LLGL1: variants seen among roughly 807,000 people sequenced by gnomAD.
LLGL1 encodes LLGL scribble cell polarity complex component 1, also known as lethal(2) giant larvae protein homolog 1.
In LLGL1, 58 loss-of-function variants were observed where a neutral mutation model predicts 110.6. That is an observed-to-expected ratio of 0.52 (90% confidence interval 0.42 to 0.65). LLGL1 has a LOEUF of 0.65. Among genes scored for constraint, LLGL1 ranks in the 30% least tolerant of loss-of-function variants. The pLI, the probability that LLGL1 is intolerant of heterozygous loss-of-function variation, is 0.00. For synonymous variants in LLGL1, 674 were observed against 607.2 expected, an observed-to-expected ratio of 1.11 and a Z score of -1.62; for missense variants, 1,229 against 1,462.1, an observed-to-expected ratio of 0.84 and a Z score of 2.60.
At position 18,235,148 on chromosome 17, in the gene LLGL1, C is replaced by G; in HGVS notation, c.1120C>G (p.Leu374Val). Residue 374 changes from leucine (L) to valine (V), a missense_variant, in exon 10 of 23, where the codon CTG becomes GTG. Leu to Val is a conservative substitution (Grantham distance 32). Coordinates refer to ENST00000316843, the MANE Select transcript of LLGL1 (RefSeq NM_004140.4). ...GGAAGAGGAGCTGGTGGTGCTGGAC[C>G]TGCAGACTCCTGGCTGGCCAGCTGT... is the stretch of plus-strand genomic sequence containing the variant. Reference protein sequence around the residue: ...LLEEELVVLDLQTPGWPAVPA... With the variant: ...LLEEELVVLDVQTPGWPAVPA... 6.2e-7 allele frequency: 1 copy of G among 1,613,658 alleles called. No individual in the cohort carries two copies. The highest frequency in any genetic ancestry group is 2.2e-5 in the East Asian group (1 of 44,880).
chr17:18,236,340 A>G (rs1597870562), intron 11 of LLGL1: 5 of 472,852 alleles, frequency 1.1e-5, no homozygotes, highest in Non-Finnish European at 1.5e-5. Flanking sequence ...CCCCTTTGCC[A>G]CCTCCTGTTA....
intron 13 of LLGL1, 122 bp downstream of exon 13, chr17:18,237,061 C>T: frequency 1.2e-6 from 1 of 849,850 alleles, no homozygotes; most frequent in South Asian, 1.6e-5. Context: ...GGGAATAGGG[C>T]TCTGGGTGGG....
At chr17:18,242,396 C>G (rs1597882158) in intron 20 of LLGL1, 112 bp from the exon 21 acceptor site, 1 of 1,549,078 alleles carries the variant, frequency 6.5e-7, no homozygotes, top group East Asian at 2.3e-5. Flanking sequence ...TGGTTGTGTG[C>G]TCACTGGTGC....
In LLGL1 at chr17:18,237,754, A is replaced by G. The variant is rs757496603; in HGVS notation, c.1885A>G (p.Lys629Glu). 36 of 1,609,564 alleles carry G rather than the reference A, an allele frequency of 2.2e-5. No homozygotes were observed. In the African/African-American group the frequency reaches 4.7e-4, roughly 21 times the overall value. ...CTTTGGCCTCTTCGACTACCAGCGC[A>G]AGAGCCCTGTGCTGGCCAGGTGTGT... The part of the protein sequence containing the change: ...HGFGLFDYQR[K>E]SPVLARCTLH... The change falls in exon 14 of 23, where the codon AAG becomes GAG. Residue 629 changes from lysine (K) to glutamate (E), a missense_variant. Coordinates refer to ENST00000316843, the MANE Select transcript of LLGL1 (RefSeq NM_004140.4).
At chr17:18,235,418 G>A (rs367633213) in intron 10 of LLGL1, 52 bp from the exon 11 acceptor site, 1 of 1,610,160 alleles carries the variant, frequency 6.2e-7, no homozygotes, top group Non-Finnish European at 8.5e-7. Context: ...GGGTGAGAGG[G>A]AGAAGATGTT....
intron 4 of LLGL1, among the ~76,000 whole-genome samples, chr17:18,233,569 C>G (rs1314775585): frequency 1.3e-5 from 2 of 152,130 alleles, no homozygotes; most frequent in African/African-American, 4.8e-5. Flanking sequence ...CCTAGGGACC[C>G]TATTTTTATC....
At position 18,235,218 on chromosome 17, in the gene LLGL1, G is replaced by T. The variant is rs1207449138; in HGVS notation, c.1190G>T (p.Cys397Phe). The change falls in exon 10 of 23, where the codon TGC becomes TTC. Residue 397 changes from cysteine to phenylalanine, a missense_variant. Cys to Phe is a radical substitution (Grantham distance 205). Coordinates refer to ENST00000316843, the MANE Select transcript of LLGL1 (RefSeq NM_004140.4). ...CCGCTGCACTCCTCTGCAATCACTT[G>T]CTCGGCCCACGTGGCCAGTGTCCCC... is the stretch of plus-strand genomic sequence containing the variant. ...LAPLHSSAITCSAHVASVPAK... is the reference protein window; with the variant it reads ...LAPLHSSAITFSAHVASVPAK... 3 of 1,611,098 alleles carry T rather than the reference G, an allele frequency of 1.9e-6. No individual in the cohort carries two copies.
chr17:18,242,686 C>A, intron 21 of LLGL1, 57 bp from the exon 22 acceptor site: 1 of 1,565,978 alleles, frequency 6.4e-7, no homozygotes, highest in Non-Finnish European at 8.7e-7. Context: ...GCCTCCGTCC[C>A]CAGGGCTGCC....
chr17:18,238,400 G>C, intron 15 of LLGL1, 56 bp from the exon 16 acceptor site: 1 of 1,577,196 alleles, frequency 6.3e-7, no homozygotes, highest in South Asian at 1.2e-5. Flanking sequence ...GCGCAAAGCA[G>C]GATGCAAGCC....
intron 1 of LLGL1, 83 bp from the exon 2 acceptor site, chr17:18,229,858 G>A: frequency 1.1e-6 from 1 of 884,178 alleles, no homozygotes; most frequent in Admixed American, 2.2e-5. Flanking sequence ...GACCCTGGAG[G>A]CTGCCTTGGG....
In LLGL1 at chr17:18,234,966, A is replaced by G. The variant is rs754841562; in HGVS notation, c.1033A>G (p.Thr345Ala). The part of the protein sequence containing the change: ...DFTSRIIDFF[T>A]VHSTRPEDEF... ...CACTTCCCGCATCATCGACTTCTTC[A>G]CAGTGCACAGCACACGGCCCGAGGA... Residue 345 changes from threonine to alanine, a missense_variant, in exon 9 of 23, where the codon ACA (threonine) becomes GCA (alanine). Thr to Ala is a moderately conservative substitution (Grantham distance 58). Transcript: ENST00000316843. 1 of 1,613,818 alleles carries G rather than the reference A, an allele frequency of 6.2e-7. No individual in the cohort carries two copies. Among genetic ancestry groups the G allele is most frequent in the African/African-American group, 1.3e-5 (1 of 74,892 alleles).
At chr17:18,239,821 G>GA (rs2047785507) in intron 16 of LLGL1, among the ~76,000 whole-genome samples, 1 of 151,804 alleles carries the variant, frequency 6.6e-6, no homozygotes, top group Non-Finnish European at 1.5e-5. Flanking sequence ...TTGTTCCACT[G>GA]GCCCGAGAAG....
chr17:18,230,963 G>A (rs1490996463), intron 2 of LLGL1, among the ~76,000 whole-genome samples: 1 of 152,186 alleles, frequency 6.6e-6, no homozygotes, highest in South Asian at 2.1e-4. Context: ...CTGTTGGTGA[G>A]TGTGGCAGTG....
intron 2 of LLGL1, among the ~76,000 whole-genome samples, chr17:18,231,837 T>C (rs985114671): frequency 1.3e-5 from 2 of 152,128 alleles, no homozygotes; most frequent in African/African-American, 4.8e-5. Context: ...TTTTTGCGTT[T>C]TTAGTAGAGA....
rs1384944108 is a variant in LLGL1 at position 18,240,891 on chromosome 17, GTGGGGGACTC to G, written c.2502+29_2502+38del. 3.3e-6 allele frequency: 5 copies of G among 1,500,300 alleles called. No homozygotes were observed. The highest frequency in any genetic ancestry group is 1.3e-5 in the South Asian group (1 of 77,454). 92.9% of individuals were successfully genotyped at this position (1,500,300 alleles called of 1,614,324 possible). On this transcript the variant is annotated intron_variant, in intron 17 of 22. Coordinates refer to ENST00000316843, the MANE Select transcript of LLGL1 (RefSeq NM_004140.4). The surrounding 1 kb of genome is among the most constrained non-coding windows in gnomAD (Gnocchi z 5.3). ...AGTTCAAGGTGAGCCACTGTGGGCTGTGGGGGACTCTGGGGGACTCCCCTCCAGGCCCCAA... is the reference window on the plus strand; with the variant it reads ...AGTTCAAGGTGAGCCACTGTGGGCTGTGGGGGACTCCCCTCCAGGCCCCAA...
At chr17:18,234,574 T>C in intron 7 of LLGL1, 75 bp from the exon 8 acceptor site, 1 of 1,596,836 alleles carries the variant, frequency 6.3e-7, no homozygotes, top group East Asian at 2.2e-5. Context: ...TAGAGAGCAG[T>C]GGAGGGCAGA....
chr17:18,239,493 C>T (rs1283281408), intron 16 of LLGL1, among the ~76,000 whole-genome samples: 1 of 152,188 alleles, frequency 6.6e-6, no homozygotes, highest in Non-Finnish European at 1.5e-5. Context: ...TGCCCCCCTC[C>T]TCCACATTCT....
intron 1 of LLGL1, among the ~76,000 whole-genome samples, chr17:18,228,776 G>A (rs1381854668): frequency 1.3e-5 from 2 of 152,094 alleles, no homozygotes; most frequent in African/African-American, 2.4e-5. Context: ...CAGCCAAATC[G>A]CCAACTCTGT....
Position 18,235,459 on chromosome 17 carries a change from C to A in LLGL1, c.1285-11C>A, listed in dbSNP as rs1327253274. On this transcript the variant is annotated splice_polypyrimidine_tract_variant and intron_variant, in intron 10 of 22. Transcript: ENST00000316843. ...TAACCTTGTGCATACATCTCTGCCA[C>A]CCCCTCCCAGAGCTGGCCCATCACT... 6.2e-7 allele frequency: 1 copy of A among 1,613,972 alleles called. No individual in the cohort carries two copies. Among genetic ancestry groups the A allele is most frequent in the South Asian group, 1.1e-5 (1 of 91,070 alleles).
Sources: gnomAD v4.1 joint callset for allele counts (sites outside exome capture counted in the v4.1 genomes callset) on GRCh38, gnomAD v4.1.1 for gene constraint, Gnocchi (gnomAD v3.1) non-coding constraint, MANE v1.5 for transcripts, NCBI Gene and HGNC (gene_info 2026-07-23, HGNC 2026-07-21) for gene names.